SLC9A6: variants seen among roughly 807,000 people sequenced by gnomAD.
SLC9A6 encodes sodium/hydrogen exchanger 6.
A neutral mutation model predicts 45.3 loss-of-function variants in SLC9A6; 6 were observed. The ratio of observed to expected loss-of-function variants is 0.13; its 90% CI spans 0.07 to 0.26. SLC9A6 has a LOEUF of 0.26. Among genes scored for constraint, SLC9A6 ranks in the 10% least tolerant of loss-of-function variants. SLC9A6 has a pLI of 1.00. For missense variants in SLC9A6, 278 were observed against 503.7 expected (o/e 0.55, Z 4.29); for synonymous variants, 191 against 187.7 (o/e 1.02, Z -0.14).
At chrX:135,986,209 TG>T (rs2089337662) in intron 2 of SLC9A6, among the ~76,000 whole-genome samples, 1 of 110,348 alleles carries the variant, frequency 9.1e-6, no homozygotes, top group Non-Finnish European at 1.9e-5. Flanking sequence ...TCCATTTCTC[TG>T]GGGTGTCAGT....
At chrX:136,011,902 A>G (rs1556618690) in intron 8 of SLC9A6, among the ~76,000 whole-genome samples, 1 of 111,056 alleles carries the variant, frequency 9.0e-6, no homozygotes, top group Non-Finnish European at 1.9e-5. Context: ...CATCCTGGCC[A>G]ACACGGTGAA....
At chrX:136,042,524 A>G (rs1322713935) in intron 17 of SLC9A6, among the ~76,000 whole-genome samples, 2 of 112,007 alleles carry the variant, frequency 1.8e-5, no homozygotes, top group African/African-American at 6.5e-5. Flanking sequence ...TTTTTTAGTT[A>G]TAACACTAGC....
intron 11 of SLC9A6, among the ~76,000 whole-genome samples, chrX:136,021,520 C>T (rs781917937): frequency 8.9e-6 from 1 of 112,315 alleles, no homozygotes; most frequent in African/African-American, 3.2e-5. Flanking sequence ...AGACCAACAC[C>T]ATTCCCCCTA....
upstream of SLC9A6, among the ~76,000 whole-genome samples, chrX:135,982,950 G>A (rs2089293855): frequency 8.9e-6 from 1 of 111,934 alleles, no homozygotes; most frequent in Non-Finnish European, 1.9e-5. Flanking sequence ...GTCTATATGA[G>A]CAGTGAAGTC....
At chrX:136,003,591 C>A (rs1388994755) in intron 7 of SLC9A6, among the ~76,000 whole-genome samples, 2 of 111,971 alleles carry the variant, frequency 1.8e-5, no homozygotes, top group African/African-American at 6.5e-5. Flanking sequence ...CTTGAACTTA[C>A]CTTGTTTTAT....
chrX:136,010,191 GCAATTTTCATA>G, intron 7 of SLC9A6: 1 of 387,993 alleles, frequency 2.6e-6, no homozygotes, highest in Non-Finnish European at 4.5e-6. Context: ...AAAGCTTGGT[GCAATTTTCATA>G]TAGAGGATTT....
intron 16 of SLC9A6, among the ~76,000 whole-genome samples, chrX:136,034,809 G>T (rs1556621615): frequency 8.9e-6 from 1 of 111,832 alleles, no homozygotes; most frequent in African/African-American, 3.2e-5. Flanking sequence ...ACTCCCATTA[G>T]AGAAAGAGAG....
At position 136,010,483 on chromosome X, in the gene SLC9A6, C is replaced by T; in HGVS notation, c.785C>T (p.Thr262Ile). The T allele has an allele frequency of 8.3e-7, 1 of 1,210,480 alleles. No homozygotes were observed. The highest frequency in any genetic ancestry group is 1.1e-6 in the Non-Finnish European group (1 of 894,291). Residue 262 changes from threonine (T) to isoleucine (I), a missense_variant, in exon 8 of 18, where the codon ACC becomes ATC. By Grantham distance (89) the Thr-to-Ile change is moderately conservative. Around this residue, in one of 5 missense-constraint regions of SLC9A6, gnomAD observed 118 missense variants for 209.9 expected, o/e 0.56. Transcript: ENST00000630721. ...CAGCCAGCTGGAGACAACAGTCACACCTTTGATGTCACAGCGATGTTCAAG... is the reference window on the plus strand; with the variant it reads ...CAGCCAGCTGGAGACAACAGTCACATCTTTGATGTCACAGCGATGTTCAAG... ...AYQPAGDNSH[T>I]FDVTAMFKSI...
chrX:136,033,625 A>G, intron 16 of SLC9A6, 132 bp downstream of exon 16: 1 of 352,005 alleles, frequency 2.8e-6, no homozygotes. Flanking sequence ...CCCTTTCCCC[A>G]TCAGTGCTGT....
chrX:136,038,781 G>GT (rs1289486723), intron 16 of SLC9A6, among the ~76,000 whole-genome samples: 1 of 102,264 alleles, frequency 9.8e-6, no homozygotes, highest in South Asian at 4.4e-4. Flanking sequence ...CATCTGGCGA[G>GT]TTTTTTTTTC....
upstream of SLC9A6, chrX:135,985,409 A>T: frequency 1.7e-6 from 1 of 590,486 alleles, no homozygotes; most frequent in Non-Finnish European, 2.3e-6. Context: ...TCCGACGGCT[A>T]CCCCCGGGCC....
At chrX:136,017,668 A>T (rs2071045550) in intron 11 of SLC9A6, among the ~76,000 whole-genome samples, 1 of 111,552 alleles carries the variant, frequency 9.0e-6, no homozygotes, top group Admixed American at 9.5e-5. Flanking sequence ...TTTATCTGTT[A>T]AGTAGGAGGT....
chrX:135,996,117 C>T (rs983146088), intron 3 of SLC9A6, among the ~76,000 whole-genome samples: 3 of 104,218 alleles, frequency 2.9e-5, no homozygotes, highest in Admixed American at 1.0e-4. Context: ...CTGCAACCCC[C>T]GCCTCCCAGG....
chrX:135,986,068 TC>T (rs2089334573), intron 2 of SLC9A6, among the ~76,000 whole-genome samples: 4 of 109,178 alleles, frequency 3.7e-5, no homozygotes, highest in Non-Finnish European at 7.6e-5. Context: ...ACCCCCTTTT[TC>T]CTCCGCACCC....
At chrX:136,010,313 T>C (rs1603206785) in intron 7 of SLC9A6, 129 bp from the exon 8 acceptor site, 2 of 740,034 alleles carry the variant, frequency 2.7e-6, no homozygotes, top group East Asian at 7.3e-5. Context: ...TTTGTCCTTA[T>C]TTTGGCAATT....
At chrX:136,001,179 CAA>C (rs1238804069) in intron 6 of SLC9A6, among the ~76,000 whole-genome samples, 2 of 107,693 alleles carry the variant, frequency 1.9e-5, no homozygotes, top group Admixed American at 1.0e-4. Flanking sequence ...ACTAAAAATA[CAA>C]AAAAAATTAG....
chrX:136,028,653 C>A (rs1433205377), intron 13 of SLC9A6, among the ~76,000 whole-genome samples: 3 of 112,276 alleles, frequency 2.7e-5, no homozygotes. Context: ...GCCATTTTAA[C>A]AAAGGAAAAA....
chrX:136,010,239 T>A, intron 7 of SLC9A6: 5 of 224,020 alleles, frequency 2.2e-5, no homozygotes, highest in Admixed American at 6.5e-5. Context: ...CCCCCCGAAA[T>A]TAACATTTAA....
At chrX:136,036,555 C>G (rs2071416028) in intron 16 of SLC9A6, among the ~76,000 whole-genome samples, 1 of 112,224 alleles carries the variant, frequency 8.9e-6, no homozygotes, top group Non-Finnish European at 1.9e-5. Context: ...ACTCTCTCAC[C>G]CAGGCTGGAG....
Sources: allele counts gnomAD v4.1 joint callset (sites outside exome capture counted in the v4.1 genomes callset), GRCh38; gene constraint gnomAD v4.1.1; regional missense constraint gnomAD v4.1.1; transcripts MANE v1.5; gene names NCBI Gene and HGNC (gene_info 2026-07-23, HGNC 2026-07-21).